RAB27B: variants seen among roughly 807,000 people sequenced by gnomAD.
RAB27B encodes the protein RAB27B, member RAS oncogene family, also known as ras-related protein Rab-27B.
A neutral mutation model predicts 24.6 loss-of-function variants in RAB27B; 15 were observed. The ratio of observed to expected loss-of-function variants is 0.61; its 90% CI spans 0.41 to 0.94. The LOEUF is 0.94. Ranked by LOEUF, RAB27B falls within the 40% of genes least tolerant of loss-of-function variation. RAB27B has a pLI of 0.00. For synonymous variants in RAB27B, 105 were observed against 92.5 expected (o/e 1.14, Z -0.78); for missense variants, 261 against 266.8 (o/e 0.98, Z 0.15).
intron 2 of RAB27B, among the ~76,000 whole-genome samples, chr18:54,820,623 A>C (rs1399790032): frequency 6.6e-6 from 1 of 152,064 alleles, no homozygotes; most frequent in East Asian, 1.9e-4. Flanking sequence ...TAGTTTAATT[A>C]GATCCCATTT....
chr18:54,856,246 G>C (rs60512641), intron 1 of RAB27B, among the ~76,000 whole-genome samples: 1 of 152,030 alleles, frequency 6.6e-6, no homozygotes, highest in African/African-American at 2.4e-5. Context: ...TATGAAAGTC[G>C]GGGAGGAGGA....
chr18:54,841,375 G>T (rs1041211629), intron 1 of RAB27B, among the ~76,000 whole-genome samples: 5 of 152,064 alleles, frequency 3.3e-5, no homozygotes, highest in Admixed American at 6.6e-5. Flanking sequence ...CATTGCATTA[G>T]GTATAAGTTA....
At chr18:54,775,867 C>G (rs1457330536) in intron 2 of RAB27B, among the ~76,000 whole-genome samples, 1 of 152,170 alleles carries the variant, frequency 6.6e-6, no homozygotes, top group Non-Finnish European at 1.5e-5. Flanking sequence ...CACAGTCATT[C>G]AACATCATCC....
At chr18:54,735,762 T>C (rs140336867) in intron 2 of RAB27B, among the ~76,000 whole-genome samples, 1 of 152,158 alleles carries the variant, frequency 6.6e-6, no homozygotes, top group East Asian at 1.9e-4. Flanking sequence ...CCTCAGGTGA[T>C]CCACCCACCT....
At chr18:54,861,506 G>A (rs1279143363) in intron 1 of RAB27B, among the ~76,000 whole-genome samples, 1 of 152,148 alleles carries the variant, frequency 6.6e-6, no homozygotes, top group African/African-American at 2.4e-5. Flanking sequence ...CCTATGGTGG[G>A]AAAGGAATCA....
At chr18:54,807,659 C>G (rs753755398) in intron 2 of RAB27B, among the ~76,000 whole-genome samples, 2 of 152,124 alleles carry the variant, frequency 1.3e-5, no homozygotes, top group East Asian at 1.9e-4. Context: ...TAAGTACCAT[C>G]TGTAATTTCT....
In RAB27B at chr18:54,810,074, A is replaced by T. The variant is rs911928241; in HGVS notation, c.-19-67493A>T. Among the ~76,000 whole-genome samples, 6 of 152,212 alleles carry T rather than the reference A, an allele frequency of 3.9e-5. No homozygotes were observed. The East Asian group carries it at 1.2e-3, about 29-fold the overall frequency. On this transcript the variant is annotated intron_variant, in intron 2 of 4. Coordinates refer to the RAB27B transcript ENST00000586570. ...ATATACCACATGAGAGCAAGTGAACATCCTCAACATATACAAAGAAGAACA... is the reference window on the plus strand; with the variant it reads ...ATATACCACATGAGAGCAAGTGAACTTCCTCAACATATACAAAGAAGAACA...
intron 2 of RAB27B, among the ~76,000 whole-genome samples, chr18:54,801,583 T>G (rs1034298023): frequency 1.4e-4 from 21 of 152,108 alleles, no homozygotes; most frequent in African/African-American, 5.1e-4. Context: ...GGTTCAGGCA[T>G]GTTGACATTT....
chr18:54,782,078 T>A (rs1360590795), intron 2 of RAB27B, among the ~76,000 whole-genome samples: 2 of 152,206 alleles, frequency 1.3e-5, no homozygotes, highest in Non-Finnish European at 2.9e-5. Context: ...ATGAGAAAAA[T>A]TATTTACTCT....
At position 54,742,276 on chromosome 18, in the gene RAB27B, G is replaced by A. The variant is rs377302897; in HGVS notation, c.-20+24135G>A. On this transcript the variant is annotated intron_variant, in intron 2 of 4. Transcript: ENST00000586570. ...GAGAGACCTTTCTGGCAGTCGTAAT[G>A]GTGGGTGGAATACAGTGTTGAAGTC... Among the ~76,000 whole-genome samples, 158 of 152,266 alleles carry A rather than the reference G, an allele frequency of 1.0e-3. 4 individuals carry two copies. The South Asian group carries it at 0.028, about 27-fold the overall frequency.
intron 2 of RAB27B, among the ~76,000 whole-genome samples, chr18:54,741,338 G>T (rs1042090053): frequency 6.6e-6 from 1 of 152,072 alleles, no homozygotes; most frequent in African/African-American, 2.4e-5. Flanking sequence ...AGTCAAAGAT[G>T]AATGTATATT....
chr18:54,789,613 T>A (rs1909188901), intron 2 of RAB27B, among the ~76,000 whole-genome samples: 1 of 152,120 alleles, frequency 6.6e-6, no homozygotes, highest in Non-Finnish European at 1.5e-5. Context: ...AATAATGTTT[T>A]TTTATTTGAA....
At chr18:54,739,456 C>CA (rs34119736) in intron 2 of RAB27B, among the ~76,000 whole-genome samples, 30,542 of 94,052 alleles carry the variant, frequency 0.32, 4,634 homozygotes, top group African/African-American at 0.47. Context: ...AACTCCATCT[C>CA]AAAAAAAAAA....
intron 4 of RAB27B, 30 bp from the exon 5 acceptor site, chr18:54,887,965 C>T: frequency 6.2e-7 from 1 of 1,601,222 alleles, no homozygotes; most frequent in Non-Finnish European, 8.5e-7. Context: ...TTATCAATAA[C>T]TTGCTGGTTC....
intron 2 of RAB27B, among the ~76,000 whole-genome samples, chr18:54,786,709 A>C (rs1299158588): frequency 6.6e-6 from 1 of 152,244 alleles, no homozygotes; most frequent in African/African-American, 2.4e-5. Flanking sequence ...ATTTAAAATC[A>C]CTATGAAACC....
intron 2 of RAB27B, among the ~76,000 whole-genome samples, chr18:54,759,316 T>A (rs1908106683): frequency 6.6e-6 from 1 of 152,230 alleles, no homozygotes; most frequent in South Asian, 2.1e-4. Context: ...AAACACACTT[T>A]GGGTATTTCT....
intron 2 of RAB27B, among the ~76,000 whole-genome samples, chr18:54,804,645 A>G (rs1361336658): frequency 6.6e-6 from 1 of 152,184 alleles, no homozygotes; most frequent in Admixed American, 6.5e-5. Flanking sequence ...GAGTGGTTCT[A>G]TACTAAACAA....
At chr18:54,867,336 G>A (rs529858082) in intron 1 of RAB27B, among the ~76,000 whole-genome samples, 2 of 152,150 alleles carry the variant, frequency 1.3e-5, no homozygotes, top group Non-Finnish European at 2.9e-5. Context: ...TCCCATTGCA[G>A]AGTGGTACTG....
At chr18:54,779,628 A>G (rs971158434) in intron 2 of RAB27B, among the ~76,000 whole-genome samples, 3 of 152,186 alleles carry the variant, frequency 2.0e-5, no homozygotes, top group Admixed American at 2.0e-4. Flanking sequence ...TGGAAAAAAT[A>G]GGTCAGTGGG....
Sources: allele counts gnomAD v4.1 joint callset (sites outside exome capture counted in the v4.1 genomes callset), GRCh38; gene constraint gnomAD v4.1.1; transcripts MANE v1.5; gene names NCBI Gene and HGNC (gene_info 2026-07-23, HGNC 2026-07-21).